CASK: variants seen among roughly 807,000 people sequenced by gnomAD.
CASK encodes calcium/calmodulin dependent serine protein kinase.
CASK carries 4 observed loss-of-function variants against 82.9 expected under a neutral mutation model. That is an observed-to-expected ratio of 0.05 (90% CI 0.02 to 0.11). The LOEUF (loss-of-function observed/expected upper bound fraction) is 0.11, where lower values mean the gene tolerates loss of function less well. CASK is among the 10% of genes least tolerant of loss of function. CASK has a pLI of 1.00. For synonymous variants in CASK, 259 were observed against 253.5 expected, an observed-to-expected ratio of 1.02 and a Z score of -0.20; for missense variants, 358 against 720.9, an observed-to-expected ratio of 0.50 and a Z score of 5.76.
intron 8 of CASK, among the ~76,000 whole-genome samples, chrX:41,648,273 C>T (rs2066797985): frequency 9.0e-6 from 1 of 111,092 alleles, no homozygotes; most frequent in African/African-American, 3.3e-5. Flanking sequence ...GAGGAAATTC[C>T]CGCCTAATAG....
intron 8 of CASK, among the ~76,000 whole-genome samples, chrX:41,642,228 C>G: frequency 9.0e-6 from 1 of 111,577 alleles, no homozygotes; most frequent in Non-Finnish European, 1.9e-5. Context: ...GTCTTTATAG[C>G]AGCATGATTT....
chrX:41,702,986 T>C (rs1371297290), intron 5 of CASK, among the ~76,000 whole-genome samples: 3 of 111,767 alleles, frequency 2.7e-5, no homozygotes, highest in Non-Finnish European at 5.6e-5. Flanking sequence ...TTCTGGCCCA[T>C]GAAATGCATA....
At chrX:41,723,658 T>C (rs1025011616) in intron 5 of CASK, among the ~76,000 whole-genome samples, 2 of 111,717 alleles carry the variant, frequency 1.8e-5, no homozygotes, top group African/African-American at 6.5e-5. Context: ...AGTCTGTGCT[T>C]ACAGTGAGTT....
At chrX:41,733,545 G>A (rs182150932) in intron 5 of CASK, among the ~76,000 whole-genome samples, 2 of 110,111 alleles carry the variant, frequency 1.8e-5, no homozygotes, top group Admixed American at 1.9e-4. Context: ...TCAGGAGATC[G>A]AAACCATCCT....
At chrX:41,720,567 T>G (rs942245001) in intron 5 of CASK, among the ~76,000 whole-genome samples, 2 of 112,272 alleles carry the variant, frequency 1.8e-5, no homozygotes, top group Non-Finnish European at 3.8e-5. Context: ...CCCAATGCCC[T>G]GAGCTCCTGA....
At chrX:41,796,334 T>C (rs1354562716) in intron 2 of CASK, among the ~76,000 whole-genome samples, 1 of 112,784 alleles carries the variant, frequency 8.9e-6, no homozygotes, top group Non-Finnish European at 1.9e-5. Flanking sequence ...AGAGTGCACA[T>C]GCACAATAAG....
intron 4 of CASK, among the ~76,000 whole-genome samples, chrX:41,740,663 C>G (rs1226813362): frequency 9.0e-6 from 1 of 111,674 alleles, no homozygotes; most frequent in Non-Finnish European, 1.9e-5. Flanking sequence ...AAAACAAAAA[C>G]AAAAACAAAC....
intron 5 of CASK, among the ~76,000 whole-genome samples, chrX:41,688,740 C>T (rs936180684): frequency 9.1e-6 from 1 of 110,126 alleles, no homozygotes; most frequent in Admixed American, 9.7e-5. Flanking sequence ...AAATTTTGAG[C>T]GGGGGGAGGA....
chrX:41,639,275 T>C (rs1206742811), intron 8 of CASK, among the ~76,000 whole-genome samples: 3 of 109,448 alleles, frequency 2.7e-5, no homozygotes, highest in Non-Finnish European at 3.8e-5. Context: ...GGTTTCACCA[T>C]GTTGGGCAGG....
intron 1 of CASK, among the ~76,000 whole-genome samples, chrX:41,894,253 C>CA (rs1162117376): frequency 1.8e-5 from 2 of 109,645 alleles, no homozygotes; most frequent in Non-Finnish European, 3.8e-5. Context: ...CTATAATTGA[C>CA]AAAAAATTCA....
intron 5 of CASK, among the ~76,000 whole-genome samples, chrX:41,681,362 AACAAAT>A (rs1327337164): frequency 2.0e-4 from 23 of 112,279 alleles, no homozygotes; most frequent in African/African-American, 6.1e-4. Flanking sequence ...GAGAAATGTG[AACAAAT>A]ACAAAGAATG....
intron 1 of CASK, among the ~76,000 whole-genome samples, chrX:41,876,976 G>A (rs1377693931): frequency 9.0e-6 from 1 of 111,596 alleles, no homozygotes; most frequent in East Asian, 2.8e-4. Context: ...CAAGACATAC[G>A]GGTGTCCAGT....
chrX:41,660,955 G>A (rs1330995953), intron 7 of CASK, among the ~76,000 whole-genome samples: 1 of 111,613 alleles, frequency 9.0e-6, no homozygotes, highest in Non-Finnish European at 1.9e-5. Context: ...TTAAAAAATC[G>A]AGGTTAGCAA....
At chrX:41,714,324 G>A (rs747514509) in intron 5 of CASK, among the ~76,000 whole-genome samples, 35 of 111,775 alleles carry the variant, frequency 3.1e-4, no homozygotes, top group Non-Finnish European at 5.1e-4. Flanking sequence ...TGGTAAAGTC[G>A]TAATAGAGGC....
intron 3 of CASK, among the ~76,000 whole-genome samples, chrX:41,770,313 TATCCATCCATCCATCC>T (rs772189964): frequency 3.2e-4 from 31 of 95,932 alleles, no homozygotes; most frequent in African/African-American, 1.1e-3. Context: ...CCTACCTACC[TATCCATCCATCCATCC>T]ATCCATCCAT....
chrX:41,699,199 A>G (rs1182900890), intron 5 of CASK, among the ~76,000 whole-genome samples: 3 of 111,834 alleles, frequency 2.7e-5, no homozygotes, highest in Non-Finnish European at 5.6e-5. Context: ...TGCTGGGATT[A>G]CAGGCATGAG....
intron 2 of CASK, among the ~76,000 whole-genome samples, chrX:41,844,547 T>G (rs1393648085): frequency 8.9e-6 from 1 of 111,804 alleles, no homozygotes; most frequent in Admixed American, 9.5e-5. Context: ...ATAAGGTCAG[T>G]AGTAATGTCC....
chrX:41,608,504 C>T (rs1299837381), intron 12 of CASK, among the ~76,000 whole-genome samples: 1 of 111,999 alleles, frequency 8.9e-6, no homozygotes, highest in Non-Finnish European at 1.9e-5. Flanking sequence ...CCAAACAGTT[C>T]TAGGCACCCC....
intron 15 of CASK, among the ~76,000 whole-genome samples, chrX:41,570,018 T>C (rs2065387847): frequency 1.1e-5 from 1 of 94,742 alleles, no homozygotes; most frequent in Non-Finnish European, 2.1e-5. Context: ...TTCTTTTTTT[T>C]TTTTTTTTTT....
Sources: allele counts gnomAD v4.1 joint callset (sites outside exome capture counted in the v4.1 genomes callset), GRCh38; gene constraint gnomAD v4.1.1; transcripts MANE v1.5; gene names NCBI Gene and HGNC (gene_info 2026-07-23, HGNC 2026-07-21).